The following GATAD2A variants were observed in gnomAD, a reference collection of about 807,000 sequenced individuals.
GATAD2A encodes the protein transcriptional repressor p66-alpha.
Under a neutral mutation model 68.5 loss-of-function variants are expected in GATAD2A, and 12 were observed. The observed-to-expected ratio is 0.18, with a 90% CI of 0.11 to 0.28. The LOEUF is 0.28. Among genes scored for constraint, GATAD2A ranks in the 10% least tolerant of loss-of-function variants. The pLI, the probability that GATAD2A is intolerant of heterozygous loss-of-function variation, is 1.00. For missense variants in GATAD2A, 755 were observed against 868.5 expected, an observed-to-expected ratio of 0.87 and a Z score of 1.64; for synonymous variants, 410 against 375.3, an observed-to-expected ratio of 1.09 and a Z score of -1.07.
At chr19:19,464,426 G>C (rs533755630) in intron 1 of GATAD2A, among the ~76,000 whole-genome samples, 1 of 152,220 alleles carries the variant, frequency 6.6e-6, no homozygotes, top group Non-Finnish European at 1.5e-5. Flanking sequence ...CTTTAAGAGT[G>C]CCAGTGTCCC....
At chr19:19,419,134 G>C (rs945122018) in intron 1 of GATAD2A, among the ~76,000 whole-genome samples, 1 of 152,136 alleles carries the variant, frequency 6.6e-6, no homozygotes, top group Non-Finnish European at 1.5e-5. Context: ...CCTCACATGT[G>C]TGAGCACTCG....
intron 1 of GATAD2A, among the ~76,000 whole-genome samples, chr19:19,409,737 A>G (rs1041675444): frequency 2.6e-5 from 4 of 152,206 alleles, no homozygotes; most frequent in African/African-American, 7.2e-5. Flanking sequence ...TGAGACCCGT[A>G]CTGTCAGAAA....
At chr19:19,449,382 T>C (rs2056118274) in intron 1 of GATAD2A, among the ~76,000 whole-genome samples, 1 of 152,160 alleles carries the variant, frequency 6.6e-6, no homozygotes, top group African/African-American at 2.4e-5. Flanking sequence ...ATGTTATTTA[T>C]TTTTAGAGAC....
At chr19:19,502,067 G>C (rs775845262) in intron 10 of GATAD2A, 24 bp downstream of exon 10, 17 of 1,583,356 alleles carry the variant, frequency 1.1e-5, no homozygotes, top group Non-Finnish European at 1.4e-5. Context: ...TGGGCGCCGG[G>C]AGCCTCGCGC....
chr19:19,473,250 C>T (rs143227421), intron 2 of GATAD2A, among the ~76,000 whole-genome samples: 151 of 152,308 alleles, frequency 9.9e-4, no homozygotes, highest in African/African-American at 3.5e-3. Context: ...AGGCCTGCCC[C>T]ATGGTCTGGA....
chr19:19,502,726 G>A (rs1029254854), intron 11 of GATAD2A, among the ~76,000 whole-genome samples, 200 bp downstream of exon 11: 1 of 152,238 alleles, frequency 6.6e-6, no homozygotes, highest in Admixed American at 6.5e-5. Flanking sequence ...ATAGGAAATA[G>A]TAACCACCCT....
rs760952183 is a variant in GATAD2A, at chr19:19,501,290, G to A, written c.1377G>A (p.Leu459=). Reference sequence around the variant, plus strand: ...TCAAGGTGGAGCACACCAGCCGGCTGAAGGCCGCCTTTGTGAAGGCGCTGC... The same window carrying A: ...TCAAGGTGGAGCACACCAGCCGGCTAAAGGCCGCCTTTGTGAAGGCGCTGC... ...KALKVEHTSR[L]KAAFVKALQQ... Residue 459 remains leucine (L), a synonymous_variant, in exon 9 of 12, where the codon CTG becomes CTA. Transcript: ENST00000683918. 1.4e-5 allele frequency: 22 copies of A among 1,613,344 alleles called. No individual in the cohort carries two copies. The highest frequency in any genetic ancestry group is 1.9e-5 in the Non-Finnish European group (22 of 1,180,024).
intron 1 of GATAD2A, among the ~76,000 whole-genome samples, chr19:19,406,240 G>GGGGAC (rs1555802340): frequency 2.0e-5 from 2 of 102,186 alleles, no homozygotes; most frequent in Non-Finnish European, 3.4e-5. Context: ...CGGGCACGTG[G>GGGGAC]GGGCCGGGCG....
chr19:19,420,599 G>A (rs1002922222), intron 1 of GATAD2A, among the ~76,000 whole-genome samples: 4 of 148,436 alleles, frequency 2.7e-5, no homozygotes, highest in Non-Finnish European at 6.0e-5. Context: ...CTTGGCCTCC[G>A]AAAGTGCTGG....
At chr19:19,400,841 T>G (rs908967392), upstream of GATAD2A, among the ~76,000 whole-genome samples, 1 of 152,096 alleles carries the variant, frequency 6.6e-6, no homozygotes, top group African/African-American at 2.4e-5. Context: ...TTTAGAGTAC[T>G]AAGAATGCAA....
chr19:19,401,212 CTT>C (rs1187049852), upstream of GATAD2A, among the ~76,000 whole-genome samples: 94 of 91,814 alleles, frequency 1.0e-3, no homozygotes, highest in Admixed American at 6.1e-3. Flanking sequence ...AAAAACTTGG[CTT>C]TTTTTTTTTT....
chr19:19,412,115 C>A lies in GATAD2A; in HGVS notation c.-7+6096C>A, dbSNP rs146193739. The stretch of plus-strand genomic sequence containing the variant: ...TTTTTTTTTGGTGGGCTGTCTCAGG[C>A]CGCTTTTTTTTCTCTCTCTTTTTTT... On this transcript the variant is annotated intron_variant, in intron 1 of 11. Coordinates refer to ENST00000683918, the MANE Select transcript of GATAD2A (RefSeq NM_001384528.1). 5.6e-3 allele frequency among the ~76,000 whole-genome samples: 852 copies of A among 150,822 alleles called. 3 individuals carry two copies. Among genetic ancestry groups the A allele is most frequent in the Non-Finnish European group, 9.5e-3 (643 of 67,598 alleles).
In GATAD2A at chr19:19,415,403, C is replaced by A. The variant is rs13344668; in HGVS notation, c.-7+9384C>A. Among the ~76,000 whole-genome samples the A allele has an allele frequency of 1.0e-2, 1,512 of 151,640 alleles. 27 individuals carry two copies. Among genetic ancestry groups the A allele is most frequent in the African/African-American group, 0.035 (1,442 of 41,296 alleles). On this transcript the variant is annotated intron_variant, in intron 1 of 11. Transcript: ENST00000683918. ...CTCGCGACTTCAGGTGATCTGCCCG[C>A]TTTGGCCTCCCAAAGCCCTGGGATT...
intron 2 of GATAD2A, among the ~76,000 whole-genome samples, chr19:19,468,618 C>G (rs747544332): frequency 1.2e-4 from 18 of 152,196 alleles, no homozygotes; most frequent in Non-Finnish European, 1.8e-4. Context: ...CAGCTGACTT[C>G]TGACTCGAGA....
intron 1 of GATAD2A, among the ~76,000 whole-genome samples, chr19:19,462,387 C>T (rs10425164): frequency 0.035 from 5,360 of 152,276 alleles, 326 homozygotes; most frequent in African/African-American, 0.12. Context: ...CCCCTGCACT[C>T]GGGGGCTGGC....
At chr19:19,389,285 TTGAC>T (rs1242001990) in intron 1 of GATAD2A, among the ~76,000 whole-genome samples, 1 of 152,138 alleles carries the variant, frequency 6.6e-6, no homozygotes, top group Non-Finnish European at 1.5e-5. Flanking sequence ...TGGGGAGAGT[TTGAC>T]TGAAGTAGAG....
At chr19:19,406,565 G>A (rs888115653) in intron 1 of GATAD2A, among the ~76,000 whole-genome samples, 1 of 152,138 alleles carries the variant, frequency 6.6e-6, no homozygotes, top group African/African-American at 2.4e-5. Context: ...CCTAACCCCC[G>A]GGAGCCGCGG....
intron 2 of GATAD2A, among the ~76,000 whole-genome samples, chr19:19,471,467 C>T (rs1336697198): frequency 2.8e-5 from 4 of 141,782 alleles, no homozygotes; most frequent in African/African-American, 5.1e-5. Context: ...CCCCAAAAAG[C>T]AAATTTATTT....
chr19:19,389,784 A>G (rs2048710032), intron 1 of GATAD2A, among the ~76,000 whole-genome samples: 1 of 152,030 alleles, frequency 6.6e-6, no homozygotes, highest in Non-Finnish European at 1.5e-5. Flanking sequence ...TTTTTTTGAG[A>G]CAGGGTCTCA....
Sources: allele counts gnomAD v4.1 joint callset (sites outside exome capture counted in the v4.1 genomes callset), GRCh38; gene constraint gnomAD v4.1.1; transcripts MANE v1.5; gene names NCBI Gene and HGNC (gene_info 2026-07-23, HGNC 2026-07-21).